CMIP: variants seen among roughly 807,000 people sequenced by gnomAD.
CMIP encodes the protein C-Maf-inducing protein.
A neutral mutation model predicts 97.3 loss-of-function variants in CMIP; 13 were observed. The ratio of observed to expected loss-of-function variants is 0.13; its 90% CI spans 0.09 to 0.21. The LOEUF is 0.21. Among genes scored for constraint, CMIP ranks in the 10% least tolerant of loss-of-function variants. The pLI is 1.00. For missense variants in CMIP, 847 were observed against 1,024.9 expected (o/e 0.83, Z 2.37); for synonymous variants, 538 against 436.3 (o/e 1.23, Z -2.91).
chr16:81,520,719 G>A (rs1481324244), intron 1 of CMIP: 3 of 152,228 alleles, frequency 2.0e-5, no homozygotes, highest in Non-Finnish European at 4.4e-5. Context: ...TCTCATGACT[G>A]GAGAGTCAGA....
intron 1 of CMIP, among the ~76,000 whole-genome samples, chr16:81,525,290 C>A (rs148850697): frequency 3.3e-5 from 5 of 151,634 alleles, no homozygotes; most frequent in Non-Finnish European, 5.9e-5. Context: ...GTTACAGGCA[C>A]CCGCCATTAT....
In CMIP at chr16:81,655,550, G is replaced by C. The variant is rs1053099566; in HGVS notation, c.640-2225G>C. Among the ~76,000 whole-genome samples the C allele has an allele frequency of 2.0e-5, 3 of 152,204 alleles. No homozygotes were observed. Among genetic ancestry groups the C allele is most frequent in the Admixed American group, 6.5e-5 (1 of 15,290 alleles). ...CCAGGGGTGGAAAATGGCCCTGGGG[G>C]AGAGAAGGCTCCCTGTAGAATGCAT... is the stretch of plus-strand genomic sequence containing the variant. On this transcript the variant is annotated intron_variant, in intron 4 of 20. Coordinates refer to ENST00000537098, the MANE Select transcript of CMIP (RefSeq NM_198390.3). This position sits in a 1 kb window ranked among gnomAD's most constrained non-coding sequence, Gnocchi z 4.9.
At position 81,672,016 on chromosome 16, in the gene CMIP, T is replaced by A; in HGVS notation, c.980T>A (p.Leu327Gln). The change falls in exon 9 of 21, where the codon CTG (leucine) becomes CAG (glutamine). Residue 327 changes from leucine to glutamine, a missense_variant. Physicochemically the swap from Leu to Gln is moderately radical, Grantham distance 113. This residue lies in a region of CMIP where 285 missense variants were observed against 392.2 expected (regional missense o/e 0.73). Coordinates refer to ENST00000537098, the MANE Select transcript of CMIP (RefSeq NM_198390.3). Reference protein sequence around the residue: ...HCPHPRVLPNLVAVCLAAIYS... With the variant: ...HCPHPRVLPNQVAVCLAAIYS... ...CCCCACCCCCGGGTCCTGCCCAACC[T>A]GGTGGCCGTGTGCCTGGCTGCCATC... is the stretch of plus-strand genomic sequence containing the variant. 6.2e-7 allele frequency: 1 copy of A among 1,606,378 alleles called. No individual in the cohort carries two copies. Among genetic ancestry groups the A allele is most frequent in the Non-Finnish European group, 8.5e-7 (1 of 1,176,258 alleles).
intron 1 of CMIP, among the ~76,000 whole-genome samples, chr16:81,509,218 A>AGGG (rs2089765827): frequency 6.6e-6 from 1 of 152,160 alleles, no homozygotes; most frequent in South Asian, 2.1e-4. Flanking sequence ...ATTGCCCCAC[A>AGGG]GGGCTCTCTT....
chr16:81,607,023 G>C (rs770771349), intron 1 of CMIP: 1 of 155,670 alleles, frequency 6.4e-6, no homozygotes, highest in African/African-American at 2.4e-5. Context: ...AGCAGACCCC[G>C]CTGGGTCTGT....
intron 9 of CMIP, among the ~76,000 whole-genome samples, chr16:81,677,388 G>A (rs1264339319): frequency 6.6e-6 from 1 of 152,136 alleles, no homozygotes; most frequent in African/African-American, 2.4e-5. Context: ...CGGAATCACT[G>A]TTCAGTGATG....
rs756555056 is a variant in CMIP, at chr16:81,699,656, C to T, written c.1639-29C>T. The stretch of plus-strand genomic sequence containing the variant: ...GGAGGCTGGCACTGGGTGTCTCTGT[C>T]CCTTCACCTGGGCCTTCTTGCCTCA... On this transcript the variant is annotated intron_variant, in intron 14 of 20. Transcript: ENST00000537098. 4.8e-6 allele frequency: 7 copies of T among 1,463,202 alleles called. No individual in the cohort carries two copies. In the African/African-American group the frequency reaches 9.7e-5, roughly 20 times the overall value. 90.6% of individuals were successfully genotyped at this position (1,463,202 alleles called of 1,614,324 possible).
intron 13 of CMIP, 85 bp downstream of exon 13, chr16:81,693,572 G>T: frequency 7.0e-7 from 1 of 1,419,984 alleles, no homozygotes; most frequent in Non-Finnish European, 9.6e-7. Flanking sequence ...TCTGAAGCTT[G>T]TCACCAACAG....
intron 1 of CMIP, among the ~76,000 whole-genome samples, chr16:81,454,119 G>A (rs1906402321): frequency 6.6e-6 from 1 of 152,206 alleles, no homozygotes; most frequent in Admixed American, 6.5e-5. Flanking sequence ...GGCCAAGCTT[G>A]CAGTCTTCTC....
intron 3 of CMIP, among the ~76,000 whole-genome samples, chr16:81,624,382 A>G (rs1367002784): frequency 6.6e-6 from 1 of 151,926 alleles, no homozygotes; most frequent in Non-Finnish European, 1.5e-5. Context: ...TCCTACACCA[A>G]TATACATTTG....
intron 1 of CMIP, among the ~76,000 whole-genome samples, chr16:81,551,620 T>A (rs1390984837): frequency 6.6e-6 from 1 of 152,220 alleles, no homozygotes; most frequent in East Asian, 1.9e-4. Flanking sequence ...GAACCTGCTC[T>A]GTCTTCCGTT....
intron 3 of CMIP, chr16:81,622,061 A>G (rs192101979): frequency 2.0e-5 from 3 of 152,172 alleles, no homozygotes; most frequent in African/African-American, 7.2e-5. Context: ...TTGAGCTCCT[A>G]CTGTGTGCCA....
intron 1 of CMIP, among the ~76,000 whole-genome samples, chr16:81,499,817 A>T (rs556387259): frequency 6.6e-6 from 1 of 152,368 alleles, no homozygotes; most frequent in African/African-American, 2.4e-5. Flanking sequence ...CCTGCCCAGC[A>T]ACTCGCAGTT....
At chr16:81,611,663 C>T (rs2091834177) in intron 2 of CMIP, among the ~76,000 whole-genome samples, 2 of 152,158 alleles carry the variant, frequency 1.3e-5, no homozygotes, top group African/African-American at 2.4e-5. Context: ...TCCTCCAGGC[C>T]TCTCACCACC....
chr16:81,600,191 A>G (rs1418556110), intron 1 of CMIP, among the ~76,000 whole-genome samples: 2 of 150,666 alleles, frequency 1.3e-5, no homozygotes, highest in African/African-American at 2.4e-5. Context: ...AGGCAGGAGA[A>G]TCACTTGACG....
chr16:81,529,438 C>G (rs1183070737), intron 1 of CMIP, among the ~76,000 whole-genome samples: 1 of 152,114 alleles, frequency 6.6e-6, no homozygotes, highest in Non-Finnish European at 1.5e-5. Context: ...TTGGTTGGGG[C>G]TTGTTGGTCT....
intron 13 of CMIP, among the ~76,000 whole-genome samples, chr16:81,695,225 C>G (rs1308453084): frequency 6.6e-6 from 1 of 152,364 alleles, no homozygotes; most frequent in South Asian, 2.1e-4. Context: ...TCTGCTGATT[C>G]TCTCTCCCTT....
At chr16:81,544,617 G>GGTGCATGT (rs568408595) in intron 1 of CMIP, among the ~76,000 whole-genome samples, 2 of 151,488 alleles carry the variant, frequency 1.3e-5, no homozygotes, top group East Asian at 2.0e-4. Context: ...CCACCACAGG[G>GGTGCATGT]GTGCATGTGT....
chr16:81,631,663 A>C (rs1216858746), intron 3 of CMIP: 1 of 152,274 alleles, frequency 6.6e-6, no homozygotes, highest in African/African-American at 2.4e-5. Flanking sequence ...CAGTTTGTCT[A>C]TTCACTTTGC....
Sources: gnomAD v4.1 joint callset for allele counts (sites outside exome capture counted in the v4.1 genomes callset) on GRCh38, gnomAD v4.1.1 for gene constraint, gnomAD v4.1.1 regional missense constraint, Gnocchi (gnomAD v3.1) non-coding constraint, MANE v1.5 for transcripts, NCBI Gene and HGNC (gene_info 2026-07-23, HGNC 2026-07-21) for gene names.